The following SYT1 variants were observed in gnomAD, a reference collection of about 807,000 sequenced individuals.
SYT1 encodes synaptotagmin 1, also known as synaptotagmin-1.
In SYT1, 8 loss-of-function variants were observed where a neutral mutation model predicts 44.8. That is an observed-to-expected ratio of 0.18 (90% confidence interval 0.10 to 0.32). SYT1 has a LOEUF of 0.32. Ranked by LOEUF, SYT1 falls within the 10% of genes least tolerant of loss-of-function variation. SYT1 has a pLI of 1.00. For synonymous variants in SYT1, 154 were observed against 188.8 expected (o/e 0.82, Z 1.51); for missense variants, 286 against 509.3 (o/e 0.56, Z 4.22).
At chr12:78,871,549 T>C (rs1404074481) in intron 1 of SYT1, among the ~76,000 whole-genome samples, 1 of 152,028 alleles carries the variant, frequency 6.6e-6, no homozygotes, top group African/African-American at 2.4e-5. Flanking sequence ...GAAAAAAAAC[T>C]TTTCTAGAAA....
At chr12:78,990,320 A>T (rs750501158) in intron 2 of SYT1, among the ~76,000 whole-genome samples, 2 of 152,166 alleles carry the variant, frequency 1.3e-5, no homozygotes, top group Non-Finnish European at 2.9e-5. Flanking sequence ...ATAATTTCTG[A>T]TGGTGATCTA....
intron 2 of SYT1, among the ~76,000 whole-genome samples, chr12:79,045,392 G>T (rs975564456): frequency 6.6e-6 from 1 of 152,162 alleles, no homozygotes; most frequent in Non-Finnish European, 1.5e-5. Context: ...TTCCAGGTGC[G>T]TCTGTTACCC....
chr12:79,249,721 T>A (rs1404393396), intron 4 of SYT1, among the ~76,000 whole-genome samples: 2 of 152,202 alleles, frequency 1.3e-5, no homozygotes, highest in Non-Finnish European at 2.9e-5. Flanking sequence ...TGGTGATGAC[T>A]TTACTCCTAT....
chr12:78,951,391 G>C (rs1878959876), intron 1 of SYT1, among the ~76,000 whole-genome samples: 1 of 152,076 alleles, frequency 6.6e-6, no homozygotes, highest in Non-Finnish European at 1.5e-5. Flanking sequence ...TCACGTAGTA[G>C]TTACCAATAT....
intron 3 of SYT1, among the ~76,000 whole-genome samples, chr12:79,079,881 G>A (rs1389362099): frequency 6.6e-6 from 1 of 151,986 alleles, no homozygotes; most frequent in Non-Finnish European, 1.5e-5. Flanking sequence ...TGTCCTTTGT[G>A]CTGACTCAAG....
chr12:79,334,206 T>C (rs543005766), intron 8 of SYT1, among the ~76,000 whole-genome samples: 19 of 152,190 alleles, frequency 1.2e-4, no homozygotes, highest in Admixed American at 4.6e-4. Flanking sequence ...CTTACTGAGG[T>C]ACAAACTAAG....
chr12:79,366,197 A>T (rs1051763956), intron 9 of SYT1, among the ~76,000 whole-genome samples: 1 of 152,264 alleles, frequency 6.6e-6, no homozygotes, highest in Non-Finnish European at 1.5e-5. Context: ...ATATCACAGT[A>T]TATCTCCAGT....
At position 79,407,766 on chromosome 12, in the gene SYT1, C is replaced by T. The variant is rs1031437713; in HGVS notation, c.929-36307C>T. Among the ~76,000 whole-genome samples, 8 of 152,162 alleles carry T rather than the reference C, an allele frequency of 5.3e-5. No individual in the cohort carries two copies. In the East Asian group the frequency reaches 9.7e-4, roughly 18 times the overall value. Reference sequence around the variant, plus strand: ...TGCTGTGGTTTTTGCAACTCTCTTACGCACAGTCCAAGCAAAGAACATTAT... The same window carrying T: ...TGCTGTGGTTTTTGCAACTCTCTTATGCACAGTCCAAGCAAAGAACATTAT... On this transcript the variant is annotated intron_variant, in intron 9 of 10. Coordinates refer to ENST00000261205, the MANE Select transcript of SYT1 (RefSeq NM_005639.3).
intron 3 of SYT1, among the ~76,000 whole-genome samples, chr12:79,154,838 G>A (rs1255319572): frequency 6.6e-6 from 1 of 152,014 alleles, no homozygotes; most frequent in East Asian, 1.9e-4. Flanking sequence ...AAGGTTTTGG[G>A]GGAAAAAAAT....
At chr12:79,422,162 T>C (rs995316481) in intron 9 of SYT1, among the ~76,000 whole-genome samples, 2 of 152,078 alleles carry the variant, frequency 1.3e-5, no homozygotes. Context: ...GCCTCCTTAG[T>C]TCTGTAACCT....
intron 8 of SYT1, among the ~76,000 whole-genome samples, chr12:79,342,383 C>G (rs1285104396): frequency 2.0e-5 from 3 of 151,234 alleles, no homozygotes; most frequent in Middle Eastern, 6.3e-3. Flanking sequence ...AGGCATGCAC[C>G]ACCATGCCCG....
At chr12:78,977,283 GC>G (rs1868915780) in intron 1 of SYT1, among the ~76,000 whole-genome samples, 1 of 152,136 alleles carries the variant, frequency 6.6e-6, no homozygotes, top group Non-Finnish European at 1.5e-5. Context: ...TAGCACTGCT[GC>G]AGCTGCTGTT....
intron 3 of SYT1, among the ~76,000 whole-genome samples, chr12:79,117,717 AAT>A (rs1297489509): frequency 3.4e-5 from 4 of 117,440 alleles, no homozygotes; most frequent in Non-Finnish European, 6.9e-5. Context: ...ATATATATAA[AAT>A]AAATAGGTTG....
chr12:79,228,441 A>G (rs1410608087), intron 4 of SYT1, among the ~76,000 whole-genome samples: 1 of 152,132 alleles, frequency 6.6e-6, no homozygotes, highest in Non-Finnish European at 1.5e-5. Context: ...TTGCTCAGAT[A>G]TTTCTGCATT....
At chr12:78,948,584 T>G (rs1366651225) in intron 1 of SYT1, among the ~76,000 whole-genome samples, 2 of 151,974 alleles carry the variant, frequency 1.3e-5, no homozygotes, top group Non-Finnish European at 2.9e-5. Context: ...CAGATAAAAA[T>G]TTGCATTTAA....
In SYT1 at chr12:78,954,518, C is replaced by T. The variant is rs1592600762; in HGVS notation, c.-216-23281C>T. Reference sequence around the variant, plus strand: ...TAGCTTTTCTTATAATAAAAATATACATGGAACATCAGAGAGAGAGAGAGA... The same window carrying T: ...TAGCTTTTCTTATAATAAAAATATATATGGAACATCAGAGAGAGAGAGAGA... On this transcript the variant is annotated intron_variant, in intron 1 of 10. Coordinates refer to ENST00000261205, the MANE Select transcript of SYT1 (RefSeq NM_005639.3). 2.0e-5 allele frequency among the ~76,000 whole-genome samples: 3 copies of T among 151,790 alleles called. No homozygotes were observed. In the East Asian group the frequency reaches 5.8e-4, roughly 29 times the overall value.
At chr12:78,982,262 G>GA (rs1869318919) in intron 2 of SYT1, among the ~76,000 whole-genome samples, 1 of 152,038 alleles carries the variant, frequency 6.6e-6, no homozygotes, top group Admixed American at 6.6e-5. Context: ...AGGCATCCTG[G>GA]AAAAATGGCC....
intron 3 of SYT1, among the ~76,000 whole-genome samples, chr12:79,066,196 A>C (rs887110324): frequency 3.9e-5 from 6 of 152,138 alleles, no homozygotes; most frequent in African/African-American, 1.4e-4. Context: ...AACATGGCAA[A>C]ATTATGCTCC....
At chr12:79,277,150 A>T (rs1277092628) in intron 4 of SYT1, among the ~76,000 whole-genome samples, 1 of 152,164 alleles carries the variant, frequency 6.6e-6, no homozygotes. Context: ...CTCCTGGGAG[A>T]TACATTACAA....
Sources: allele counts gnomAD v4.1 joint callset (sites outside exome capture counted in the v4.1 genomes callset), GRCh38; gene constraint gnomAD v4.1.1; transcripts MANE v1.5; gene names NCBI Gene and HGNC (gene_info 2026-07-23, HGNC 2026-07-21).